Variants in OTUD7A observed in about 807,000 individuals in gnomAD.
OTUD7A encodes the protein OTU deubiquitinase 7A, also known as OTU domain-containing protein 7A.
In OTUD7A, 12 loss-of-function variants were observed where a neutral mutation model predicts 65.7. The ratio of observed to expected loss-of-function variants is 0.18; its 90% CI spans 0.12 to 0.30. The LOEUF (loss-of-function observed/expected upper bound fraction) is 0.30, where lower values mean the gene tolerates loss of function less well. Among genes scored for constraint, OTUD7A ranks in the 10% least tolerant of loss-of-function variants. The pLI is 1.00. For synonymous variants in OTUD7A, 641 were observed against 586.3 expected, an observed-to-expected ratio of 1.09 and a Z score of -1.35; for missense variants, 1,148 against 1,304.8, an observed-to-expected ratio of 0.88 and a Z score of 1.85.
chr15:31,843,421 G>A (rs550008768), intron 1 of OTUD7A, among the ~76,000 whole-genome samples: 2 of 148,958 alleles, frequency 1.3e-5, no homozygotes, highest in South Asian at 4.3e-4. Flanking sequence ...TATTTCTTTT[G>A]ACAGTGATTT....
intron 3 of OTUD7A, among the ~76,000 whole-genome samples, chr15:31,627,129 G>A (rs1358318396): frequency 1.3e-5 from 2 of 151,814 alleles, no homozygotes; most frequent in African/African-American, 4.8e-5. Context: ...TAGGGTACAT[G>A]TGCACAATGT....
intron 1 of OTUD7A, chr15:31,767,830 T>C (rs1263436439): frequency 3.4e-6 from 3 of 885,570 alleles, no homozygotes; most frequent in Non-Finnish European, 5.6e-6. Flanking sequence ...AAAAGTTCTC[T>C]ATGCTGTTTT....
chr15:31,602,944 G>A (rs957087959), intron 3 of OTUD7A, among the ~76,000 whole-genome samples: 31 of 152,196 alleles, frequency 2.0e-4, no homozygotes, highest in African/African-American at 7.2e-4. Flanking sequence ...AATAAGAGAG[G>A]ACACAAATAA....
rs116927652 is a variant in OTUD7A at position 31,579,801 on chromosome 15, T to C, written c.152-9604A>G. On this transcript the variant is annotated intron_variant, in intron 3 of 12. Transcript: ENST00000307050. ...ACATATATACTCTCTCTAGATAGTA[T>C]ATATGTGCACTCATACACACTATAT... is the stretch of plus-strand genomic sequence containing the variant. Among the ~76,000 whole-genome samples, 694 of 152,364 alleles carry C rather than the reference T, an allele frequency of 4.6e-3. 21 individuals are homozygous for C. Among genetic ancestry groups the C allele is most frequent in the Admixed American group, 0.032 (493 of 15,308 alleles).
intron 1 of OTUD7A, among the ~76,000 whole-genome samples, chr15:31,807,693 C>T (rs1373270737): frequency 1.3e-5 from 2 of 152,144 alleles, no homozygotes; most frequent in Non-Finnish European, 2.9e-5. Context: ...AAACCATCAG[C>T]AGAGCCCCCT....
intron 1 of OTUD7A, among the ~76,000 whole-genome samples, chr15:31,837,303 T>C (rs2338889): frequency 1 from 151,158 of 151,186 alleles, 75,566 homozygotes; most frequent in Middle Eastern, 1. Context: ...CTGAGGTGGG[T>C]GGATCATGAG....
intron 3 of OTUD7A, among the ~76,000 whole-genome samples, chr15:31,587,958 G>C (rs575034991): frequency 6.6e-6 from 1 of 151,986 alleles, no homozygotes; most frequent in African/African-American, 2.4e-5. Flanking sequence ...CATCAGAAAG[G>C]CTCTCCCTGA....
chr15:31,742,759 C>T (rs554405107), intron 1 of OTUD7A, among the ~76,000 whole-genome samples: 34 of 151,800 alleles, frequency 2.2e-4, no homozygotes, highest in East Asian at 5.8e-4. Flanking sequence ...ATAGGTAGCG[C>T]GAATGAAAAG....
intron 1 of OTUD7A, among the ~76,000 whole-genome samples, chr15:31,746,406 A>G (rs1894478147): frequency 6.6e-6 from 1 of 152,226 alleles, no homozygotes; most frequent in African/African-American, 2.4e-5. Context: ...CTTACTATTC[A>G]ATGATAAAAA....
intron 5 of OTUD7A, chr15:31,556,361 T>C (rs1312270882): frequency 1.3e-5 from 2 of 152,224 alleles, no homozygotes; most frequent in Non-Finnish European, 2.9e-5. Flanking sequence ...TTCACTGATC[T>C]CTGCTTCCAG....
At position 31,477,699 on chromosome 15, in the gene OTUD7A, A is replaced by G. The variant is rs1215393418; in HGVS notation, c.*5595T>C. 6.6e-6 allele frequency: 1 copy of G among 152,230 alleles called. No individual in the cohort carries two copies. The highest frequency in any genetic ancestry group is 1.5e-5 in the Non-Finnish European group (1 of 68,044). 9.4% of individuals were successfully genotyped at this position (152,230 alleles called of 1,614,324 possible). On this transcript the variant is annotated 3_prime_UTR_variant, in exon 13 of 13. Transcript: ENST00000307050. ...TTCAATAAATACTTATCCAGTGCCT[A>G]ATATGTGTCAGGCACTGTTGTAGGC...
chr15:31,860,622 G>GATATAT (rs71113426), intron 1 of OTUD7A, among the ~76,000 whole-genome samples: 7 of 26,856 alleles, frequency 2.6e-4, no homozygotes, highest in African/African-American at 5.8e-4. Flanking sequence ...CAGAAGTGGA[G>GATATAT]ATATATATAT....
At chr15:31,548,585 A>G (rs1399901021) in intron 5 of OTUD7A, among the ~76,000 whole-genome samples, 1 of 152,076 alleles carries the variant, frequency 6.6e-6, no homozygotes, top group Non-Finnish European at 1.5e-5. Flanking sequence ...GTTCTGTAAA[A>G]TGAAGAGCAT....
intron 5 of OTUD7A, among the ~76,000 whole-genome samples, chr15:31,538,775 C>A (rs536141883): frequency 2.0e-5 from 3 of 152,270 alleles, no homozygotes; most frequent in Admixed American, 2.0e-4. Flanking sequence ...CATATTTGCA[C>A]CAGCAGGTTC....
chr15:31,863,817 T>C (rs896955324), intron 1 of OTUD7A, among the ~76,000 whole-genome samples: 2 of 152,204 alleles, frequency 1.3e-5, no homozygotes, highest in East Asian at 3.8e-4. Context: ...TGGCTTGAAT[T>C]TCTCCTCAAA....
chr15:31,515,067 GAAC>G (rs1044064934), intron 8 of OTUD7A, among the ~76,000 whole-genome samples: 1 of 152,116 alleles, frequency 6.6e-6, no homozygotes, highest in Admixed American at 6.5e-5. Flanking sequence ...GTGAATGGTT[GAAC>G]AACATAATGA....
chr15:31,512,294 G>A (rs763053182), intron 8 of OTUD7A, among the ~76,000 whole-genome samples: 3 of 151,872 alleles, frequency 2.0e-5, no homozygotes, highest in Non-Finnish European at 4.4e-5. Context: ...TTATCCTTGA[G>A]GCCACTGCAA....
intron 1 of OTUD7A, among the ~76,000 whole-genome samples, chr15:31,692,914 C>T (rs970811386): frequency 6.6e-5 from 10 of 150,434 alleles, no homozygotes; most frequent in Non-Finnish European, 1.3e-4. Context: ...CACTAACAAC[C>T]CTCACACACT....
rs1450495862 is a variant in OTUD7A at position 31,501,418 on chromosome 15, T to A, written c.1171+272A>T. Among the ~76,000 whole-genome samples the A allele has an allele frequency of 2.6e-5, 4 of 152,350 alleles. No homozygotes were observed. The East Asian group carries it at 7.7e-4, about 29-fold the overall frequency. The stretch of plus-strand genomic sequence containing the variant: ...TGCATTCCTATAAAATATGTATACA[T>A]GTGAAAGGGAAAACAGTAAAAGCTA... On this transcript the variant is annotated intron_variant, in intron 10 of 12. Transcript: ENST00000307050.
Sources: allele counts gnomAD v4.1 joint callset (sites outside exome capture counted in the v4.1 genomes callset), GRCh38; gene constraint gnomAD v4.1.1; transcripts MANE v1.5; gene names NCBI Gene and HGNC (gene_info 2026-07-23, HGNC 2026-07-21).